Variants in HSPA14 observed in about 807,000 individuals in gnomAD.
The protein encoded by HSPA14 is heat shock 70 kDa protein 14.
Under a neutral mutation model 65.5 loss-of-function variants are expected in HSPA14, and 37 were observed. That is an observed-to-expected ratio of 0.56 (90% CI 0.43 to 0.74). The LOEUF (loss-of-function observed/expected upper bound fraction) is 0.74. Among genes scored for constraint, HSPA14 ranks in the 30% least tolerant of loss-of-function variants. HSPA14 has a pLI of 0.00. For missense variants in HSPA14, 564 were observed against 607.6 expected (o/e 0.93, Z 0.75); for synonymous variants, 203 against 214.2 (o/e 0.95, Z 0.46).
intron 10 of HSPA14, among the ~76,000 whole-genome samples, chr10:14,863,054 G>A (rs1415027494): frequency 6.6e-6 from 1 of 151,596 alleles, no homozygotes; most frequent in Admixed American, 6.6e-5. Context: ...TTGGACACCA[G>A]TGAGATGATC....
chr10:14,857,902 TG>T (rs1832719650), intron 10 of HSPA14, among the ~76,000 whole-genome samples: 1 of 151,820 alleles, frequency 6.6e-6, no homozygotes, highest in Admixed American at 6.6e-5. Flanking sequence ...GTATATATTT[TG>T]TTTTTTTTTT....
chr10:14,854,478 C>T (rs1834131781), intron 9 of HSPA14, among the ~76,000 whole-genome samples, 198 bp downstream of exon 9: 1 of 152,062 alleles, frequency 6.6e-6, no homozygotes. Context: ...TGATTGCTTG[C>T]CCTGTTATTT....
chr10:14,861,409 CCT>C (rs371262157), intron 10 of HSPA14, among the ~76,000 whole-genome samples: 8 of 152,210 alleles, frequency 5.3e-5, no homozygotes, highest in South Asian at 4.2e-4. Flanking sequence ...CACTGCAACC[CCT>C]GTCTCCCAGG....
At chr10:14,845,205 ATTAAACTAAC>A (rs1834033793) in intron 3 of HSPA14, 5 of 985,290 alleles carry the variant, frequency 5.1e-6, no homozygotes, top group Non-Finnish European at 6.0e-6. Context: ...ACTCTCTGTC[ATTAAACTAAC>A]TTAAAGCTTT....
At chr10:14,851,145 T>A (rs1203617294) in intron 6 of HSPA14, 74 bp from the exon 7 acceptor site, 1 of 817,170 alleles carries the variant, frequency 1.2e-6, no homozygotes, top group East Asian at 2.5e-5. Flanking sequence ...TATAAAATCT[T>A]TAGCAGATCA....
At chr10:14,838,602 A>C (rs1357753866) in intron 1 of HSPA14, 143 bp downstream of exon 1, 1 of 762,256 alleles carries the variant, frequency 1.3e-6, no homozygotes, top group Admixed American at 3.2e-5. Context: ...TCCGGAGCGA[A>C]GGGCCGGGCA....
intron 10 of HSPA14, among the ~76,000 whole-genome samples, chr10:14,856,553 A>G (rs1832698707): frequency 6.6e-6 from 1 of 152,164 alleles, no homozygotes; most frequent in South Asian, 2.1e-4. Context: ...TCTTCATTGA[A>G]CATACTCTTT....
In HSPA14 at chr10:14,839,920, G is replaced by A; in HGVS notation, c.73G>A (p.Val25Met). Residue 25 changes from valine to methionine, a missense_variant, in exon 2 of 14, where the codon GTG becomes ATG. Coordinates refer to ENST00000378372, the MANE Select transcript of HSPA14 (RefSeq NM_016299.4). ...TTTTCTCTAGGATGGCCGGGCTGGTGTGGTTGCAAATGATGCCGGTGACCG... is the reference window on the plus strand; with the variant it reads ...TTTTCTCTAGGATGGCCGGGCTGGTATGGTTGCAAATGATGCCGGTGACCG... ...VAVYKDGRAG[V>M]VANDAGDRVT... 6.2e-7 allele frequency: 1 copy of A among 1,613,196 alleles called. No individual in the cohort carries two copies. The highest frequency in any genetic ancestry group is 8.5e-7 in the Non-Finnish European group (1 of 1,179,486).
In HSPA14 at chr10:14,842,240, C is replaced by T. The variant is rs757826423; in HGVS notation, c.221+2083C>T. 2.0e-6 allele frequency: 3 copies of T among 1,535,640 alleles called. No individual in the cohort carries two copies. Among genetic ancestry groups the T allele is most frequent in the South Asian group, 1.2e-5 (1 of 83,890 alleles). ...GAGCTTCCCCACACCTTCAGACTTG[C>T]ACCTTGCTGTCCAGAAGCTGCCTAG... On this transcript the variant is annotated intron_variant, in intron 3 of 13. Transcript: ENST00000378372. The surrounding 1 kb of genome is among the most constrained non-coding windows in gnomAD (Gnocchi z 5.2).
Position 14,842,404 on chromosome 10 carries a change from A to G in HSPA14, c.221+2247A>G. 1 of 1,536,194 alleles carries G rather than the reference A, an allele frequency of 6.5e-7. No individual in the cohort carries two copies. On this transcript the variant is annotated intron_variant, in intron 3 of 13. Transcript: ENST00000378372. This position sits in a 1 kb window ranked among gnomAD's most constrained non-coding sequence, Gnocchi z 5.2. ...GCCTCCAGACTGTGCATCACAATGC[A>G]GATGTCTATCAGGCTGTGTCTAAGC...
At chr10:14,870,202 A>ATT (rs202018805) in intron 12 of HSPA14, among the ~76,000 whole-genome samples, 4 of 148,028 alleles carry the variant, frequency 2.7e-5, no homozygotes, top group East Asian at 2.0e-4. Flanking sequence ...AAAATGCTTG[A>ATT]TTTTTTTTTT....
Position 14,840,158 on chromosome 10 carries a change from G to C in HSPA14, c.221+1G>C. ...AAGTAAAGCAGATCCTGGGCAGAAG[G>C]TATGGAATCAAATGATACTTTTAAA... On this transcript the variant is annotated splice_donor_variant, in intron 3 of 13. Coordinates refer to ENST00000378372, the MANE Select transcript of HSPA14 (RefSeq NM_016299.4). LOFTEE classifies it high-confidence loss of function. The C allele has an allele frequency of 7.3e-7, 1 of 1,371,752 alleles. No individual in the cohort carries two copies. The highest frequency in any genetic ancestry group is 9.8e-7 in the Non-Finnish European group (1 of 1,018,944). The allele number at this position is 1,371,752 out of a possible 1,614,324, so 85.0% of individuals were successfully genotyped here.
intron 12 of HSPA14, among the ~76,000 whole-genome samples, chr10:14,869,168 AT>A (rs1832832461): frequency 1.3e-5 from 2 of 152,198 alleles, no homozygotes; most frequent in African/African-American, 4.8e-5. Context: ...CAGACTAAAA[AT>A]GCCTAGCTTT....
intron 10 of HSPA14, among the ~76,000 whole-genome samples, chr10:14,859,430 T>G (rs1283323306): frequency 6.6e-6 from 1 of 152,242 alleles, no homozygotes. Flanking sequence ...CTTCCAAAAT[T>G]TGTTGACATC....
rs568003409 is a variant in HSPA14 at position 14,838,369 on chromosome 10, C to T, written c.-34C>T. 287 of 1,580,114 alleles carry T rather than the reference C, an allele frequency of 1.8e-4. 1 individual carries two copies. The African/African-American group carries it at 2.7e-3, about 15-fold the overall frequency. ...CGGTAGCTGTTGCTGTTGGGGGACC[C>T]CCTCATTCCTGCCGCTGCCGTCCCT... On this transcript the variant is annotated 5_prime_UTR_variant, in exon 1 of 14. Coordinates refer to ENST00000378372, the MANE Select transcript of HSPA14 (RefSeq NM_016299.4).
chr10:14,861,190 A>G (rs930822573), intron 10 of HSPA14, among the ~76,000 whole-genome samples: 2 of 152,106 alleles, frequency 1.3e-5, no homozygotes, highest in African/African-American at 4.8e-5. Flanking sequence ...AAGTATAGAC[A>G]ACTCTCAAGT....
Position 14,856,686 on chromosome 10 carries a change from A to G in HSPA14, c.993+743A>G, listed in dbSNP as rs566765077. Among the ~76,000 whole-genome samples the G allele has an allele frequency of 4.6e-5, 7 of 152,046 alleles. No homozygotes were observed. The South Asian group carries it at 1.2e-3, about 27-fold the overall frequency. ...AGACTAGCCTTGGCAACATAGTGAG[A>G]CCCTGTCTCTACAAAAAACAAAATT... On this transcript the variant is annotated intron_variant, in intron 10 of 13. Transcript: ENST00000378372.
intron 1 of HSPA14, 23 bp downstream of exon 1, chr10:14,838,482 T>C: frequency 1.3e-6 from 2 of 1,585,120 alleles, no homozygotes; most frequent in Non-Finnish European, 1.7e-6. Context: ...GGAGCTGGGC[T>C]AGGGCTTCAT....
rs1034782923 is a variant in HSPA14 at position 14,850,044 on chromosome 10, C to T, written c.467+233C>T. Among the ~76,000 whole-genome samples the T allele has an allele frequency of 3.9e-5, 6 of 152,122 alleles. No individual in the cohort carries two copies. The South Asian group carries it at 6.2e-4, about 16-fold the overall frequency. The stretch of plus-strand genomic sequence containing the variant: ...CTTTGGGACACTGACGGGGGGGCGG[C>T]GGGTGGACCACCTGAGGTCAGGAGT... On this transcript the variant is annotated intron_variant, in intron 6 of 13. Transcript: ENST00000378372.
Sources: gnomAD v4.1 joint callset for allele counts (sites outside exome capture counted in the v4.1 genomes callset) on GRCh38, gnomAD v4.1.1 for gene constraint, Gnocchi (gnomAD v3.1) non-coding constraint, MANE v1.5 for transcripts, NCBI Gene and HGNC (gene_info 2026-07-23, HGNC 2026-07-21) for gene names.